GLTP: variants seen among roughly 807,000 people sequenced by gnomAD.
The protein encoded by GLTP is glycolipid transfer protein.
A neutral mutation model predicts 24.0 loss-of-function variants in GLTP; 22 were observed. That is an observed-to-expected ratio of 0.92 (90% CI 0.65 to 1.31). GLTP has a LOEUF of 1.31. Among genes scored for constraint, GLTP ranks in the 50% most tolerant of loss-of-function variants. The pLI is 0.00. For synonymous variants in GLTP, 92 were observed against 115.9 expected (o/e 0.79, Z 1.33); for missense variants, 224 against 276.6 (o/e 0.81, Z 1.35).
At chr12:109,858,048 A>G (rs1892822126) in intron 2 of GLTP, 3 of 444,764 alleles carry the variant, frequency 6.7e-6, no homozygotes. Flanking sequence ...ACAAGTGGAA[A>G]TAGGTTCCGA....
chr12:109,879,487 C>A (rs756797318), intron 1 of GLTP, among the ~76,000 whole-genome samples: 4 of 152,134 alleles, frequency 2.6e-5, no homozygotes, highest in African/African-American at 7.2e-5. Context: ...AACTTCCACA[C>A]GACATACAGG....
At chr12:109,854,880 G>A (rs1209415321) in intron 4 of GLTP, among the ~76,000 whole-genome samples, 1 of 152,238 alleles carries the variant, frequency 6.6e-6, no homozygotes, top group Non-Finnish European at 1.5e-5. Flanking sequence ...CCTGCTTGCA[G>A]ACTGTACCCC....
In GLTP at chr12:109,880,377, CG is replaced by C; in HGVS notation, c.-4del. ...AAGTGTTCGGCCAGCAGCGCCATTT[CG>C]GGGTCGAGGCCCGCGGTGATGCCCC... On this transcript the variant is annotated 5_prime_UTR_variant, in exon 1 of 5. Transcript: ENST00000318348. This position sits in a 1 kb window ranked among gnomAD's most constrained non-coding sequence, Gnocchi z 5.1. The C allele has an allele frequency of 2.8e-6, 4 of 1,422,484 alleles. No homozygotes were observed. Among genetic ancestry groups the C allele is most frequent in the Non-Finnish European group, 3.8e-6 (4 of 1,063,936 alleles). 88.1% of individuals were successfully genotyped at this position (1,422,484 alleles called of 1,614,324 possible).
Position 109,858,705 on chromosome 12 carries a change from G to A in GLTP, c.140C>T (p.Ala47Val). The A allele has an allele frequency of 3.7e-6, 6 of 1,612,970 alleles. No individual in the cohort carries two copies. The highest frequency in any genetic ancestry group is 5.1e-6 in the Non-Finnish European group (6 of 1,178,938). Residue 47 changes from alanine to valine, a missense_variant, in exon 2 of 5, where the codon GCA becomes GTA. Coordinates refer to ENST00000318348, the MANE Select transcript of GLTP (RefSeq NM_016433.4). The part of the protein sequence containing the change: ...LGSPVFTPIK[A>V]DISGNITKIK... ...TACCGTGATGTTGCCGCTTATGTCT[G>A]CCTTGATGGGAGTAAACACTGGGGA...
intron 1 of GLTP, among the ~76,000 whole-genome samples, chr12:109,877,176 A>T (rs990039784): frequency 1.3e-5 from 2 of 152,208 alleles, no homozygotes; most frequent in African/African-American, 2.4e-5. Flanking sequence ...CCCCAAAAAG[A>T]CCGATGTAAA....
At chr12:109,865,242 T>C (rs560241923) in intron 1 of GLTP, among the ~76,000 whole-genome samples, 1 of 152,300 alleles carries the variant, frequency 6.6e-6, no homozygotes, top group Non-Finnish European at 1.5e-5. Context: ...GGAAGGGACT[T>C]GGAGGGTTTT....
intron 1 of GLTP, among the ~76,000 whole-genome samples, chr12:109,869,276 C>G (rs1331449694): frequency 8.1e-6 from 1 of 123,678 alleles, no homozygotes; most frequent in African/African-American, 3.2e-5. Flanking sequence ...TGCAATCCAG[C>G]CTGGGCGACA....
intron 1 of GLTP, among the ~76,000 whole-genome samples, chr12:109,874,738 T>C (rs1868832446): frequency 6.6e-6 from 1 of 152,148 alleles, no homozygotes; most frequent in South Asian, 2.1e-4. Context: ...TTTAATTTAG[T>C]CATGTATCTT....
rs571864283 is a variant in GLTP at position 109,857,456 on chromosome 12, G to T, written c.296+70C>A. On this transcript the variant is annotated intron_variant, in intron 3 of 4. Transcript: ENST00000318348. This position sits in a 1 kb window ranked among gnomAD's most constrained non-coding sequence, Gnocchi z 4.3. ...CCTTCCCAGCCTGAGCTGACACTGC[G>T]GAACAGTGACAGGTTTGCTTTCCCT... The T allele has an allele frequency of 6.5e-7, 1 of 1,539,336 alleles. No homozygotes were observed. The highest frequency in any genetic ancestry group is 1.1e-5 in the South Asian group (1 of 87,398).
chr12:109,875,089 G>C (rs543597843), intron 1 of GLTP, among the ~76,000 whole-genome samples: 1 of 152,236 alleles, frequency 6.6e-6, no homozygotes, highest in East Asian at 1.9e-4. Context: ...TTTGGAAAGA[G>C]AGAGAAGGGC....
At position 109,852,246 on chromosome 12, in the gene GLTP, G is replaced by A. The variant is rs538502756; in HGVS notation, c.*309C>T. 6 of 226,412 alleles carry A rather than the reference G, an allele frequency of 2.7e-5. No homozygotes were observed. Among genetic ancestry groups the A allele is most frequent in the Admixed American group, 1.1e-4 (2 of 18,108 alleles). 14.0% of individuals were successfully genotyped at this position (226,412 alleles called of 1,614,324 possible). ...ACAAAACCAAAAAACCCTAGGACTTGACTCATTAGAAGTGTTAATCGGTTT... is the reference window on the plus strand; with the variant it reads ...ACAAAACCAAAAAACCCTAGGACTTAACTCATTAGAAGTGTTAATCGGTTT... On this transcript the variant is annotated 3_prime_UTR_variant, in exon 5 of 5. Coordinates refer to ENST00000318348, the MANE Select transcript of GLTP (RefSeq NM_016433.4).
intron 1 of GLTP, among the ~76,000 whole-genome samples, chr12:109,876,113 C>T (rs942424847): frequency 1.3e-5 from 2 of 152,102 alleles, no homozygotes; most frequent in African/African-American, 4.8e-5. Context: ...GAGGCTGAGG[C>T]GGACAGATCA....
rs751772277 is a variant in GLTP at position 109,858,681 on chromosome 12, A to G, written c.162+2T>C. ...GCTGTGGCTGCCCGGCCAGGTACAT[A>G]CCGTGATGTTGCCGCTTATGTCTGC... On this transcript the variant is annotated splice_donor_variant, in intron 2 of 4. Coordinates refer to ENST00000318348, the MANE Select transcript of GLTP (RefSeq NM_016433.4). LOFTEE classifies it high-confidence loss of function. 3 of 1,611,312 alleles carry G rather than the reference A, an allele frequency of 1.9e-6. No individual in the cohort carries two copies. The highest frequency in any genetic ancestry group is 2.2e-5 in the South Asian group (2 of 91,034).
At chr12:109,870,379 T>C (rs1297933951) in intron 1 of GLTP, among the ~76,000 whole-genome samples, 1 of 151,838 alleles carries the variant, frequency 6.6e-6, no homozygotes, top group Non-Finnish European at 1.5e-5. Flanking sequence ...GGTAAGATAA[T>C]TGCTTGAACC....
chr12:109,869,238 T>C (rs977042182), intron 1 of GLTP, among the ~76,000 whole-genome samples: 3 of 136,732 alleles, frequency 2.2e-5, no homozygotes, highest in Non-Finnish European at 3.0e-5. Context: ...ATGGGGAGGT[T>C]GCAGTGAGCC....
At position 109,855,674 on chromosome 12, in the gene GLTP, G is replaced by C. The variant is rs758216505; in HGVS notation, c.392C>G (p.Ala131Gly). ...PNLIRVNATK[A>G]YEMALKKYHG... is the part of the protein sequence containing the mutation. The stretch of plus-strand genomic sequence containing the variant: ...GTACTTCTTGAGGGCCATCTCGTAG[G>C]CCTTGGTGGCGTTGACACGGATGAG... The change falls in exon 4 of 5, where the codon GCC becomes GGC. Residue 131 changes from alanine (A) to glycine (G), a missense_variant. Transcript: ENST00000318348. This position sits in a 1 kb window ranked among gnomAD's most constrained non-coding sequence, Gnocchi z 4.1. 6.2e-7 allele frequency: 1 copy of C among 1,608,028 alleles called. No individual in the cohort carries two copies. Among genetic ancestry groups the C allele is most frequent in the Non-Finnish European group, 8.5e-7 (1 of 1,177,488 alleles).
At chr12:109,878,648 C>A (rs76700197) in intron 1 of GLTP, among the ~76,000 whole-genome samples, 3,539 of 151,972 alleles carry the variant, frequency 0.023, 50 homozygotes, top group South Asian at 0.053. Flanking sequence ...AATTAAACAA[C>A]TTTTCAATGC....
intron 1 of GLTP, among the ~76,000 whole-genome samples, chr12:109,879,840 G>A (rs999443848): frequency 6.6e-6 from 1 of 152,090 alleles, no homozygotes; most frequent in Admixed American, 6.5e-5. Context: ...GAAATGGGGG[G>A]ATTCATTGTA....
At chr12:109,853,357 A>C (rs1237863599) in intron 4 of GLTP, among the ~76,000 whole-genome samples, 2 of 152,174 alleles carry the variant, frequency 1.3e-5, no homozygotes, top group Non-Finnish European at 2.9e-5. Context: ...CAAAATTCAC[A>C]GAATTTCAGA....
Sources: allele counts gnomAD v4.1 joint callset (sites outside exome capture counted in the v4.1 genomes callset), GRCh38; gene constraint gnomAD v4.1.1; non-coding constraint Gnocchi (gnomAD v3.1); transcripts MANE v1.5; gene names NCBI Gene and HGNC (gene_info 2026-07-23, HGNC 2026-07-21).